The following IKZF2 variants were observed in gnomAD, a reference collection of about 807,000 sequenced individuals.
The protein encoded by IKZF2 is IKAROS family zinc finger 2, also known as zinc finger protein Helios.
In IKZF2, 15 loss-of-function variants were observed where a neutral mutation model predicts 49.2. That is an observed-to-expected ratio of 0.30 (90% CI 0.20 to 0.47). The LOEUF is 0.47. IKZF2 is among the 20% of genes least tolerant of loss of function. The pLI, the probability that IKZF2 is intolerant of heterozygous loss-of-function variation, is 1.00. For synonymous variants in IKZF2, 227 were observed against 221.4 expected (o/e 1.03, Z -0.23); for missense variants, 567 against 664.6 (o/e 0.85, Z 1.61).
At chr2:213,147,949 A>C (rs1273426023) in intron 3 of IKZF2, 137 bp from the exon 4 acceptor site, 2 of 627,950 alleles carry the variant, frequency 3.2e-6, no homozygotes, top group Non-Finnish European at 5.6e-6. Flanking sequence ...AGAAACTATA[A>C]GGAAATATCA....
At chr2:213,112,352 A>ATATATATATATATATATATATATTTT (rs1471488145) in intron 4 of IKZF2, among the ~76,000 whole-genome samples, 1 of 141,540 alleles carries the variant, frequency 7.1e-6, no homozygotes, top group African/African-American at 2.5e-5. Context: ...TAAAAAATAT[A>ATATATATATATATATATATATATTTT]TTTTTATTGC....
intron 6 of IKZF2, among the ~76,000 whole-genome samples, chr2:213,034,611 A>G (rs922132973): frequency 1.3e-5 from 2 of 152,190 alleles, no homozygotes; most frequent in Non-Finnish European, 2.9e-5. Flanking sequence ...ACATTTATCA[A>G]CACAAAAATT....
intron 4 of IKZF2, among the ~76,000 whole-genome samples, chr2:213,140,134 C>T (rs1245043940): frequency 2.0e-5 from 3 of 151,842 alleles, no homozygotes; most frequent in African/African-American, 7.2e-5. Flanking sequence ...TCTGAATCTC[C>T]ACATACAGGA....
chr2:213,138,142 T>A (rs2060742427), intron 4 of IKZF2, among the ~76,000 whole-genome samples: 1 of 152,078 alleles, frequency 6.6e-6, no homozygotes, highest in Non-Finnish European at 1.5e-5. Context: ...ACAGTTTAAG[T>A]GATGGAGAAC....
At chr2:213,092,753 C>T (rs1351476995) in intron 4 of IKZF2, among the ~76,000 whole-genome samples, 1 of 152,178 alleles carries the variant, frequency 6.6e-6, no homozygotes, top group Non-Finnish European at 1.5e-5. Context: ...AAGGGTTTCT[C>T]TTGAATGTTG....
rs1262915158 is a variant in IKZF2, at chr2:213,012,360, G to C, written c.856+1431C>G. Among the ~76,000 whole-genome samples the C allele has an allele frequency of 2.0e-5, 3 of 151,880 alleles. No individual in the cohort carries two copies. In the East Asian group the frequency reaches 5.8e-4, roughly 29 times the overall value. ...GAAACATGACAAAAAACGTTACAAA[G>C]AGTAGACTATATAAATTCAGAAGAC... On this transcript the variant is annotated intron_variant, in intron 8 of 8. Transcript: ENST00000434687.
At chr2:213,119,147 A>AG (rs2059969442) in intron 4 of IKZF2, among the ~76,000 whole-genome samples, 1 of 152,226 alleles carries the variant, frequency 6.6e-6, no homozygotes, top group South Asian at 2.1e-4. Context: ...AAAGGCAGGC[A>AG]GGACTGAGCA....
intron 6 of IKZF2, among the ~76,000 whole-genome samples, chr2:213,038,681 AAAG>A (rs1339769611): frequency 6.6e-6 from 1 of 152,220 alleles, no homozygotes; most frequent in African/African-American, 2.4e-5. Context: ...ACAACACTCA[AAAG>A]AAGAAGGGAA....
At chr2:213,083,870 T>C (rs922767308) in intron 4 of IKZF2, among the ~76,000 whole-genome samples, 2 of 151,676 alleles carry the variant, frequency 1.3e-5, no homozygotes, top group African/African-American at 4.8e-5. Context: ...TTCTACATTA[T>C]GATGAGTTAT....
chr2:213,122,390 T>C (rs552789943), intron 4 of IKZF2, among the ~76,000 whole-genome samples: 24 of 152,162 alleles, frequency 1.6e-4, no homozygotes, highest in Non-Finnish European at 2.9e-4. Context: ...AGAATTAGAG[T>C]CGCAGGCTCC....
chr2:213,139,287 A>G (rs1009584985), intron 4 of IKZF2, among the ~76,000 whole-genome samples: 3 of 151,958 alleles, frequency 2.0e-5, no homozygotes, highest in Non-Finnish European at 4.4e-5. Flanking sequence ...GGGAATCTAA[A>G]TCCATGTCCA....
chr2:213,049,955 C>A, intron 5 of IKZF2, 75 bp from the exon 6 acceptor site: 2 of 1,060,912 alleles, frequency 1.9e-6, no homozygotes, highest in South Asian at 2.7e-5. Flanking sequence ...CACTGTTAAC[C>A]AAAGCCAGTT....
At chr2:213,038,121 C>T (rs1201836479) in intron 6 of IKZF2, among the ~76,000 whole-genome samples, 1 of 151,810 alleles carries the variant, frequency 6.6e-6, no homozygotes, top group Non-Finnish European at 1.5e-5. Context: ...AGTGCAGTGG[C>T]AGGATCTCTG....
chr2:213,048,945 G>A (rs1277788312), intron 6 of IKZF2, among the ~76,000 whole-genome samples: 1 of 151,940 alleles, frequency 6.6e-6, no homozygotes, highest in African/African-American at 2.4e-5. Flanking sequence ...AAACTAGCTT[G>A]AGAGTATTCT....
At chr2:213,056,804 G>C (rs745311430) in intron 5 of IKZF2, 29 bp downstream of exon 5, 1 of 1,612,272 alleles carries the variant, frequency 6.2e-7, no homozygotes, top group Non-Finnish European at 8.5e-7. Context: ...GTCACAGGCA[G>C]TCATCAGGTT....
At chr2:213,026,687 A>G (rs958100363) in intron 6 of IKZF2, among the ~76,000 whole-genome samples, 1 of 152,066 alleles carries the variant, frequency 6.6e-6, no homozygotes, top group African/African-American at 2.4e-5. Context: ...GTATTTCTGT[A>G]TTATCCTCTT....
At chr2:213,101,236 A>G (rs1706622777) in intron 4 of IKZF2, among the ~76,000 whole-genome samples, 1 of 152,142 alleles carries the variant, frequency 6.6e-6, no homozygotes, top group Admixed American at 6.6e-5. Context: ...CTCAGAAACC[A>G]TAAAAATGTT....
intron 5 of IKZF2, among the ~76,000 whole-genome samples, chr2:213,052,718 G>C (rs1015024320): frequency 1.3e-5 from 2 of 152,010 alleles, no homozygotes; most frequent in African/African-American, 2.4e-5. Flanking sequence ...AAATATAGAA[G>C]TAATATCCAT....
intron 7 of IKZF2, among the ~76,000 whole-genome samples, chr2:213,017,519 G>A (rs1329390663): frequency 6.6e-6 from 1 of 152,076 alleles, no homozygotes; most frequent in African/African-American, 2.4e-5. Context: ...CAGCCATGCT[G>A]GTCACCTGTG....
Sources: gnomAD v4.1 joint callset for allele counts (sites outside exome capture counted in the v4.1 genomes callset) on GRCh38, gnomAD v4.1.1 for gene constraint, MANE v1.5 for transcripts, NCBI Gene and HGNC (gene_info 2026-07-23, HGNC 2026-07-21) for gene names.